Variants in SYTL5 observed in about 807,000 individuals in gnomAD.
The protein encoded by SYTL5 is synaptotagmin like 5.
Under a neutral mutation model 55.9 loss-of-function variants are expected in SYTL5, and 34 were observed. The observed-to-expected ratio is 0.61, with a 90% CI of 0.46 to 0.81. The LOEUF (loss-of-function observed/expected upper bound fraction) is 0.81, where lower values mean the gene tolerates loss of function less well. SYTL5 is among the 30% of genes least tolerant of loss of function. SYTL5 has a pLI of 0.00. For missense variants in SYTL5, 637 were observed against 546.7 expected, an observed-to-expected ratio of 1.17 and a Z score of -1.65; for synonymous variants, 221 against 188.7, an observed-to-expected ratio of 1.17 and a Z score of -1.40.
upstream of SYTL5, among the ~76,000 whole-genome samples, chrX:38,003,557 C>T (rs1440408022): frequency 9.0e-6 from 1 of 111,351 alleles, no homozygotes; most frequent in African/African-American, 3.3e-5. Context: ...CTACAAACCA[C>T]TGCTCAATGA....
intron 9 of SYTL5, among the ~76,000 whole-genome samples, chrX:38,099,486 G>A (rs1258192159): frequency 9.0e-6 from 1 of 111,270 alleles, no homozygotes; most frequent in Non-Finnish European, 1.9e-5. Context: ...TTTTGCTGAA[G>A]TTTTTAGAGT....
At chrX:37,962,076 A>G in the SYTL5 span, among the ~76,000 whole-genome samples, 3 of 109,014 alleles carry the variant, frequency 2.8e-5, no homozygotes, top group African/African-American at 1.0e-4. Context: ...TGTCCCAAGC[A>G]TTTTTTTTTA....
chrX:37,895,842 A>T, the SYTL5 span, among the ~76,000 whole-genome samples: 2 of 111,929 alleles, frequency 1.8e-5, no homozygotes, highest in Non-Finnish European at 3.8e-5. Context: ...AGACTGATTC[A>T]GCTTTAATGA....
the SYTL5 span, among the ~76,000 whole-genome samples, chrX:37,933,592 A>G: frequency 8.9e-6 from 1 of 112,270 alleles, no homozygotes; most frequent in Admixed American, 9.4e-5. Flanking sequence ...GAATTTGTCA[A>G]AAACAACAGA....
At chrX:37,946,395 A>G in the SYTL5 span, 1 of 189,049 alleles carries the variant, frequency 5.3e-6, no homozygotes, top group Non-Finnish European at 9.8e-6. Context: ...ATGTAAATAG[A>G]TTCATAAAAT....
the SYTL5 span, among the ~76,000 whole-genome samples, chrX:37,931,710 G>A: frequency 4.5e-4 from 50 of 111,543 alleles, 1 homozygote; most frequent in African/African-American, 1.5e-3. Context: ...ATAAAGCTTT[G>A]GTTTTAGGTC....
At chrX:38,100,986 A>G (rs1204355393) in intron 9 of SYTL5, among the ~76,000 whole-genome samples, 1 of 111,509 alleles carries the variant, frequency 9.0e-6, no homozygotes, top group Non-Finnish European at 1.9e-5. Flanking sequence ...ATATCATACA[A>G]TGGAATATTA....
chrX:38,112,921 G>A (rs1223923293), intron 13 of SYTL5, among the ~76,000 whole-genome samples: 1 of 112,266 alleles, frequency 8.9e-6, no homozygotes, highest in Non-Finnish European at 1.9e-5. Flanking sequence ...TACACATACT[G>A]ATTTCCCTAG....
the SYTL5 span, among the ~76,000 whole-genome samples, chrX:37,924,212 G>A: frequency 1.8e-5 from 2 of 111,540 alleles, no homozygotes; most frequent in African/African-American, 6.5e-5. Context: ...TAGCTACGTA[G>A]GGCATCCAGC....
rs867477763 is a variant in SYTL5 at position 38,076,592 on chromosome X, G to A, written c.580G>A (p.Ala194Thr). Residue 194 changes from alanine (A) to threonine (T), a missense_variant, in exon 6 of 17, where the codon GCA becomes ACA. Ala to Thr is a moderately conservative substitution (Grantham distance 58). Coordinates refer to ENST00000297875, the MANE Select transcript of SYTL5 (RefSeq NM_138780.3). ...ATTTCTTCTTAGCAAGTTCAGATCG[G>A]CAACCAGAGGAGAAATCATAACTCC... The part of the protein sequence containing the change: ...KGFLLSKFRS[A>T]TRGEIITPKT... The A allele has an allele frequency of 8.3e-7, 1 of 1,203,666 alleles. No homozygotes were observed. The highest frequency in any genetic ancestry group is 1.1e-6 in the Non-Finnish European group (1 of 889,631).
intron 13 of SYTL5, among the ~76,000 whole-genome samples, chrX:38,111,486 A>G (rs769066050): frequency 8.9e-6 from 1 of 112,219 alleles, no homozygotes; most frequent in African/African-American, 3.2e-5. Context: ...ATACTGCTCA[A>G]AAAATAGAGG....
chrX:37,896,841 A>G, the SYTL5 span, among the ~76,000 whole-genome samples: 1 of 112,327 alleles, frequency 8.9e-6, no homozygotes, highest in African/African-American at 3.2e-5. Flanking sequence ...TGTTGTTTTA[A>G]GCCATTAAGT....
chrX:37,962,853 C>T, the SYTL5 span, among the ~76,000 whole-genome samples: 5 of 112,023 alleles, frequency 4.5e-5, no homozygotes, highest in Non-Finnish European at 9.4e-5. Context: ...AGGGAGGCTC[C>T]ACTTTAATGA....
intron 1 of SYTL5, among the ~76,000 whole-genome samples, chrX:38,007,078 C>T (rs1569153395): frequency 1.8e-5 from 2 of 111,431 alleles, no homozygotes; most frequent in African/African-American, 6.5e-5. Flanking sequence ...CCTCTCACAT[C>T]TCTATATAAC....
chrX:37,996,103 T>A, the SYTL5 span, among the ~76,000 whole-genome samples: 3 of 111,976 alleles, frequency 2.7e-5, no homozygotes, highest in Non-Finnish European at 5.6e-5. Context: ...GATGAGCCCC[T>A]GTTGCAAGCT....
chrX:38,020,754 G>A (rs1478425839), intron 1 of SYTL5, among the ~76,000 whole-genome samples: 1 of 110,115 alleles, frequency 9.1e-6, no homozygotes, highest in African/African-American at 3.3e-5. Flanking sequence ...GAATAGAAAC[G>A]ATGGAGGGGT....
At chrX:38,093,717 T>C (rs1422009205) in intron 7 of SYTL5, among the ~76,000 whole-genome samples, 4 of 111,421 alleles carry the variant, frequency 3.6e-5, no homozygotes, top group Non-Finnish European at 7.5e-5. Flanking sequence ...TTGGGAAGTT[T>C]TCTCTCTTTA....
intron 6 of SYTL5, among the ~76,000 whole-genome samples, chrX:38,086,201 C>A (rs1398232047): frequency 9.0e-6 from 1 of 111,313 alleles, no homozygotes; most frequent in African/African-American, 3.3e-5. Flanking sequence ...ATGAGAAGGG[C>A]CAGGGGCTCA....
intron 5 of SYTL5, among the ~76,000 whole-genome samples, chrX:38,074,781 C>A (rs1330846330): frequency 9.0e-6 from 1 of 111,244 alleles, no homozygotes; most frequent in African/African-American, 3.3e-5. Context: ...CCTAGAGTAT[C>A]CTGTATATCC....
Sources: allele counts gnomAD v4.1 joint callset (sites outside exome capture counted in the v4.1 genomes callset), GRCh38; gene constraint gnomAD v4.1.1; transcripts MANE v1.5; gene names NCBI Gene and HGNC (gene_info 2026-07-23, HGNC 2026-07-21).